ZNF892: variants seen among roughly 807,000 people sequenced by gnomAD.
ZNF892 encodes the protein zinc finger protein 892.
chr2:95,237,140 G>C, the ZNF892 span, among the ~76,000 whole-genome samples: 11 of 148,578 alleles, frequency 7.4e-5, no homozygotes, highest in African/African-American at 2.7e-4. Flanking sequence ...TGATCAGTGA[G>C]CTTTTTTTTT....
At chr2:95,240,616 T>C in the ZNF892 span, among the ~76,000 whole-genome samples, 5 of 152,270 alleles carry the variant, frequency 3.3e-5, no homozygotes, top group South Asian at 6.2e-4. Context: ...CACTCGTACA[T>C]ACCTCTAGAA....
chr2:95,215,450 C>T, the ZNF892 span: 3 of 441,384 alleles, frequency 6.8e-6, no homozygotes, highest in Non-Finnish European at 1.2e-5. Flanking sequence ...GAGAAAAGCC[C>T]TACAAGTGTA....
the ZNF892 span, among the ~76,000 whole-genome samples, chr2:95,227,747 T>G: frequency 1.3e-5 from 2 of 151,912 alleles, no homozygotes; most frequent in Non-Finnish European, 2.9e-5. Context: ...TTCCCGAGTA[T>G]CTGGGATTAC....
the ZNF892 span, among the ~76,000 whole-genome samples, chr2:95,247,179 A>C: frequency 6.6e-6 from 1 of 152,194 alleles, no homozygotes; most frequent in Non-Finnish European, 1.5e-5. Flanking sequence ...AATGGAACAG[A>C]ATAGAGAACC....
chr2:95,245,473 G>T, the ZNF892 span, among the ~76,000 whole-genome samples: 5 of 133,210 alleles, frequency 3.8e-5, no homozygotes, highest in Admixed American at 1.6e-4. Context: ...GTTTCACCAT[G>T]TTAGCCAGGG....
chr2:95,255,267 T>C, the ZNF892 span, among the ~76,000 whole-genome samples: 2 of 152,272 alleles, frequency 1.3e-5, no homozygotes, highest in Non-Finnish European at 2.9e-5. Context: ...CCATAGATTC[T>C]GGTATGTTGT....
the ZNF892 span, among the ~76,000 whole-genome samples, chr2:95,224,928 C>G: frequency 6.6e-5 from 10 of 152,230 alleles, no homozygotes; most frequent in African/African-American, 2.2e-4. Flanking sequence ...ATTGCCCTCT[C>G]TTTGCCCTTT....
chr2:95,217,146 G>T, the ZNF892 span, among the ~76,000 whole-genome samples: 1 of 152,138 alleles, frequency 6.6e-6, no homozygotes, highest in Non-Finnish European at 1.5e-5. Context: ...GCATGCAGAT[G>T]GGGGGCCAGT....
the ZNF892 span, chr2:95,207,674 A>AG: frequency 2.5e-6 from 1 of 396,256 alleles, no homozygotes; most frequent in Non-Finnish European, 4.4e-6. Flanking sequence ...GTCCGGGAGG[A>AG]GGGTGGCGGG....
the ZNF892 span, chr2:95,212,219 A>G: frequency 2.5e-6 from 1 of 398,436 alleles, no homozygotes; most frequent in Non-Finnish European, 4.4e-6. Flanking sequence ...ACCTGATGTA[A>G]TCTCTCAGTT....
At chr2:95,238,517 A>G in the ZNF892 span, among the ~76,000 whole-genome samples, 8 of 152,342 alleles carry the variant, frequency 5.3e-5, no homozygotes, top group Non-Finnish European at 7.3e-5. Flanking sequence ...TGCAAATACA[A>G]CATCCACTCT....
chr2:95,207,407 G>A, the ZNF892 span: 1 of 161,842 alleles, frequency 6.2e-6, no homozygotes, highest in Admixed American at 6.4e-5. Flanking sequence ...TCGGTCAGGA[G>A]CGTGCCGCGG....
chr2:95,217,636 A>C, the ZNF892 span, among the ~76,000 whole-genome samples: 1 of 152,220 alleles, frequency 6.6e-6, no homozygotes, highest in African/African-American at 2.4e-5. Flanking sequence ...AGAAATAGGA[A>C]AGTAGGAGGA....
chr2:95,228,625 C>T, the ZNF892 span, among the ~76,000 whole-genome samples: 1 of 152,142 alleles, frequency 6.6e-6, no homozygotes, highest in South Asian at 2.1e-4. Flanking sequence ...TTTTTGCTTT[C>T]CATTGATGAT....
At chr2:95,248,549 G>A in the ZNF892 span, among the ~76,000 whole-genome samples, 19 of 152,090 alleles carry the variant, frequency 1.2e-4, no homozygotes, top group Non-Finnish European at 1.9e-4. Flanking sequence ...TATTTTGATA[G>A]GATATAGACT....
chr2:95,253,030 A>G, the ZNF892 span, among the ~76,000 whole-genome samples: 9 of 152,146 alleles, frequency 5.9e-5, no homozygotes, highest in South Asian at 6.2e-4. Context: ...CTCCCATTCT[A>G]TAGGTTGCCT....
At chr2:95,242,093 G>A in the ZNF892 span, among the ~76,000 whole-genome samples, 1 of 152,168 alleles carries the variant, frequency 6.6e-6, no homozygotes, top group Non-Finnish European at 1.5e-5. Flanking sequence ...TCATCCAGGA[G>A]AACTTCCCCA....
chr2:95,224,999 TC>T, the ZNF892 span, among the ~76,000 whole-genome samples: 27 of 152,314 alleles, frequency 1.8e-4, no homozygotes, highest in South Asian at 5.2e-3. Flanking sequence ...ATTTTGGACT[TC>T]CTAGGCTCCA....
At chr2:95,236,559 G>A in the ZNF892 span, among the ~76,000 whole-genome samples, 1 of 152,158 alleles carries the variant, frequency 6.6e-6, no homozygotes, top group Non-Finnish European at 1.5e-5. Flanking sequence ...TAGAGCTGTG[G>A]AAATTTTTAC....
Sources: allele counts gnomAD v4.1 joint callset (sites outside exome capture counted in the v4.1 genomes callset), GRCh38; gene constraint gnomAD v4.1.1; transcripts MANE v1.5; gene names NCBI Gene and HGNC (gene_info 2026-07-23, HGNC 2026-07-21).